The following HEATR5B variants were observed in gnomAD, a reference collection of about 807,000 sequenced individuals.
The protein encoded by HEATR5B is HEAT repeat-containing protein 5B.
In HEATR5B, 156 loss-of-function variants were observed where a neutral mutation model predicts 224.1. The ratio of observed to expected loss-of-function variants is 0.70; its 90% CI spans 0.61 to 0.80. HEATR5B has a LOEUF of 0.80. Ranked by LOEUF, HEATR5B falls within the 30% of genes least tolerant of loss-of-function variation. The probability of loss-of-function intolerance (pLI) is 0.00; values close to 1 mark genes in which losing one functional copy is unlikely to be tolerated. For missense variants in HEATR5B, 2,323 were observed against 2,535.5 expected, an observed-to-expected ratio of 0.92 and a Z score of 1.80; for synonymous variants, 1,027 against 893.0, an observed-to-expected ratio of 1.15 and a Z score of -2.68.
In HEATR5B at chr2:37,019,887, T is replaced by C. The variant is rs1356442231; in HGVS notation, c.4036-10A>G. 6.3e-6 allele frequency: 10 copies of C among 1,576,690 alleles called. No homozygotes were observed. Among genetic ancestry groups the C allele is most frequent in the Admixed American group, 1.7e-5 (1 of 58,166 alleles). On this transcript the variant is annotated splice_polypyrimidine_tract_variant and intron_variant, in intron 25 of 35. Coordinates refer to ENST00000233099, the MANE Select transcript of HEATR5B (RefSeq NM_019024.3). ...TTAGAGCAGCTCCCACCTAGAAAAATAAATAAAGCATTTTATTTTTTACTT... is the reference window on the plus strand; with the variant it reads ...TTAGAGCAGCTCCCACCTAGAAAAACAAATAAAGCATTTTATTTTTTACTT...
chr2:37,012,537 T>C (rs1667850742), intron 27 of HEATR5B, among the ~76,000 whole-genome samples: 1 of 152,130 alleles, frequency 6.6e-6, no homozygotes. Context: ...ATTACAGGCA[T>C]GCACCACCAT....
chr2:36,994,761 T>C (rs1443852452), intron 33 of HEATR5B, among the ~76,000 whole-genome samples: 1 of 152,166 alleles, frequency 6.6e-6, no homozygotes, highest in African/African-American at 2.4e-5. Flanking sequence ...TCTTATTTAT[T>C]TATTTTTTGA....
intron 19 of HEATR5B, 33 bp downstream of exon 19, chr2:37,041,100 A>C: frequency 6.4e-7 from 1 of 1,570,066 alleles, no homozygotes; most frequent in Non-Finnish European, 8.6e-7. Flanking sequence ...AATTTTCTAA[A>C]CTTTTGTAAT....
At chr2:37,082,770 G>A (rs1322033902) in intron 2 of HEATR5B, among the ~76,000 whole-genome samples, 1 of 152,138 alleles carries the variant, frequency 6.6e-6, no homozygotes, top group African/African-American at 2.4e-5. Context: ...CTGTTCCGGG[G>A]TCTCAGCTCT....
At chr2:37,009,899 A>T (rs181678899) in intron 27 of HEATR5B, among the ~76,000 whole-genome samples, 16 of 152,216 alleles carry the variant, frequency 1.1e-4, no homozygotes, top group African/African-American at 2.9e-4. Flanking sequence ...GACATCAGAA[A>T]GGATTTCCAT....
At chr2:36,991,495 CAAA>C (rs56351937) in intron 33 of HEATR5B, among the ~76,000 whole-genome samples, 50 of 101,306 alleles carry the variant, frequency 4.9e-4, no homozygotes, top group African/African-American at 9.8e-4. Context: ...AACTCTGTCT[CAAA>C]AAAAAAAAAA....
rs1572945780 is a variant in HEATR5B, at chr2:37,075,734, T to A, written c.448-100A>T. ...GTTCTTTGGGTCTAATGGTCTTACC[T>A]CCAAATTATAAACGGTAAATAATGA... On this transcript the variant is annotated intron_variant, in intron 4 of 35. Transcript: ENST00000233099. The A allele has an allele frequency of 1.1e-5, 8 of 704,110 alleles. No individual in the cohort carries two copies. The East Asian group carries it at 2.4e-4, about 21-fold the overall frequency. 43.6% of individuals were successfully genotyped at this position (704,110 alleles called of 1,614,324 possible). A position where few individuals can be genotyped will look rare whatever the true frequency, so the allele number is the denominator to read the frequency against.
intron 8 of HEATR5B, among the ~76,000 whole-genome samples, chr2:37,066,215 C>T (rs911405428): frequency 1.6e-4 from 24 of 152,186 alleles, no homozygotes; most frequent in Non-Finnish European, 1.5e-4. Flanking sequence ...AAAGAAGACT[C>T]GGGTTCAAAT....
chr2:37,033,403 T>G (rs1270568631), intron 21 of HEATR5B, among the ~76,000 whole-genome samples: 1 of 152,180 alleles, frequency 6.6e-6, no homozygotes, highest in Admixed American at 6.5e-5. Flanking sequence ...ACATCTTATT[T>G]TACACATGGT....
intron 21 of HEATR5B, among the ~76,000 whole-genome samples, chr2:37,034,302 G>C (rs1346502753): frequency 6.8e-6 from 1 of 147,908 alleles, no homozygotes; most frequent in Admixed American, 6.7e-5. Flanking sequence ...CACCGCACCT[G>C]GCTGTTTGTT....
intron 3 of HEATR5B, among the ~76,000 whole-genome samples, chr2:37,078,214 A>T (rs1334247712): frequency 1.3e-5 from 2 of 152,254 alleles, no homozygotes; most frequent in Non-Finnish European, 2.9e-5. Flanking sequence ...ATTTACAGAT[A>T]AGAGAGGTTA....
At position 36,990,744 on chromosome 2, in the gene HEATR5B, G is replaced by A; in HGVS notation, c.5601C>T (p.Phe1867=). The part of the protein sequence containing the change: ...EVSMLTAIAL[F]LWSASNEIIG... The stretch of plus-strand genomic sequence containing the variant: ...TTATTTCATTACTAGCAGACCACAG[G>A]AAGAGTGCAATTGCTGTTAGCATGC... Residue 1867 remains phenylalanine (F), a synonymous_variant, in exon 34 of 36, where the codon TTC becomes TTT. Transcript: ENST00000233099. 6.2e-7 allele frequency: 1 copy of A among 1,611,362 alleles called. No homozygotes were observed. Among genetic ancestry groups the A allele is most frequent in the Non-Finnish European group, 8.5e-7 (1 of 1,178,038 alleles).
chr2:37,067,903 AATT>A (rs1233464305), intron 8 of HEATR5B, among the ~76,000 whole-genome samples: 7 of 152,166 alleles, frequency 4.6e-5, no homozygotes, highest in African/African-American at 9.6e-5. Flanking sequence ...CTAAAAAATA[AATT>A]ATTGATATTT....
At chr2:37,036,564 T>A (rs990886435) in intron 21 of HEATR5B, among the ~76,000 whole-genome samples, 1 of 151,626 alleles carries the variant, frequency 6.6e-6, no homozygotes, top group Non-Finnish European at 1.5e-5. Context: ...CAGGTTGGAG[T>A]GCAATGGCGC....
At position 37,052,077 on chromosome 2, in the gene HEATR5B, C is replaced by T. The variant is rs572946813; in HGVS notation, c.2505+1425G>A. Reference sequence around the variant, plus strand: ...TTCTATAATCAATGCCTATATATATCCTTTTTCCCTGATGTTTACAAAATA... The same window carrying T: ...TTCTATAATCAATGCCTATATATATTCTTTTTCCCTGATGTTTACAAAATA... On this transcript the variant is annotated intron_variant, in intron 17 of 35. Transcript: ENST00000233099. Among the ~76,000 whole-genome samples, 14 of 152,286 alleles carry T rather than the reference C, an allele frequency of 9.2e-5. No homozygotes were observed. The Middle Eastern group carries it at 0.01, about 111-fold the overall frequency.
chr2:37,062,090 G>C (rs1357508890), intron 10 of HEATR5B, 40 bp from the exon 11 acceptor site: 9 of 1,201,280 alleles, frequency 7.5e-6, no homozygotes, highest in African/African-American at 1.5e-5. Flanking sequence ...ATTCAAACAA[G>C]TTAAATTAAA....
In HEATR5B at chr2:36,990,749, G is replaced by C. The variant is rs574902947; in HGVS notation, c.5596C>G (p.Leu1866Val). The stretch of plus-strand genomic sequence containing the variant: ...TCATTACTAGCAGACCACAGGAAGA[G>C]TGCAATTGCTGTTAGCATGCTTACT... ...DEVSMLTAIA[L>V]FLWSASNEII... Residue 1866 changes from leucine (L) to valine (V), a missense_variant, in exon 34 of 36, where the codon CTC becomes GTC. Transcript: ENST00000233099. 33 of 1,611,568 alleles carry C rather than the reference G, an allele frequency of 2.0e-5. 1 individual carries two copies. In the South Asian group the frequency reaches 3.1e-4, roughly 15 times the overall value.
chr2:37,080,099 T>C (rs1048848793), intron 2 of HEATR5B, among the ~76,000 whole-genome samples: 3 of 152,182 alleles, frequency 2.0e-5, no homozygotes, highest in Admixed American at 6.5e-5. Flanking sequence ...GCCTTGAGGT[T>C]GGAGCATTCT....
At chr2:37,075,659 T>A in intron 4 of HEATR5B, 25 bp from the exon 5 acceptor site, 1 of 1,566,508 alleles carries the variant, frequency 6.4e-7, no homozygotes, top group Non-Finnish European at 8.7e-7. Flanking sequence ...AAAACAAAAC[T>A]ATTTTGTAAA....
Sources: allele counts gnomAD v4.1 joint callset (sites outside exome capture counted in the v4.1 genomes callset), GRCh38; gene constraint gnomAD v4.1.1; transcripts MANE v1.5; gene names NCBI Gene and HGNC (gene_info 2026-07-23, HGNC 2026-07-21).